Variants in SPECC1 observed in about 807,000 individuals in gnomAD.
SPECC1 encodes cytospin-B.
Under a neutral mutation model 104.1 loss-of-function variants are expected in SPECC1, and 62 were observed. The observed-to-expected ratio is 0.60, with a 90% confidence interval of 0.49 to 0.74. The LOEUF is 0.74. Ranked by LOEUF, SPECC1 falls within the 30% of genes least tolerant of loss-of-function variation. The probability of loss-of-function intolerance (pLI) is 0.00; values close to 1 mark genes in which losing one functional copy is unlikely to be tolerated. For synonymous variants in SPECC1, 513 were observed against 501.6 expected (o/e 1.02, Z -0.30); for missense variants, 1,306 against 1,310.5 (o/e 1.00, Z 0.05).
intron 3 of SPECC1, among the ~76,000 whole-genome samples, chr17:20,114,559 CAGT>C (rs914027054): frequency 6.7e-6 from 1 of 150,322 alleles, no homozygotes; most frequent in Non-Finnish European, 1.5e-5. Context: ...CTCTCTGCAA[CAGT>C]AGAGGAAGGG....
chr17:20,287,356 G>T (rs1036239378), intron 12 of SPECC1, among the ~76,000 whole-genome samples: 1 of 145,834 alleles, frequency 6.9e-6, no homozygotes, highest in Non-Finnish European at 1.5e-5. Context: ...AGCGGAGCTT[G>T]CAGTGAGCCG....
intron 3 of SPECC1, among the ~76,000 whole-genome samples, chr17:20,116,381 A>C (rs7222984): frequency 0.6 from 90,680 of 152,032 alleles, 27,975 homozygotes; most frequent in African/African-American, 0.71. Flanking sequence ...AGCCACCATG[A>C]CCGGCCATCA....
chr17:20,228,139 A>G (rs1462948048), intron 5 of SPECC1, among the ~76,000 whole-genome samples: 1 of 152,230 alleles, frequency 6.6e-6, no homozygotes, highest in Non-Finnish European at 1.5e-5. Flanking sequence ...TGACAGAAGA[A>G]CAGGCTGTTG....
intron 3 of SPECC1, among the ~76,000 whole-genome samples, chr17:20,116,142 C>T (rs573101849): frequency 1.3e-4 from 20 of 151,824 alleles, no homozygotes; most frequent in Non-Finnish European, 1.5e-5. Flanking sequence ...GGCTGGAGTG[C>T]AGTGGCGCGA....
chr17:20,213,098 T>C (rs1011196405), intron 4 of SPECC1, among the ~76,000 whole-genome samples: 7 of 151,960 alleles, frequency 4.6e-5, no homozygotes, highest in African/African-American at 1.7e-4. Flanking sequence ...TATTCTTTTT[T>C]TTCTTTTCTT....
chr17:20,147,531 A>G (rs997867278), intron 3 of SPECC1, among the ~76,000 whole-genome samples: 1 of 152,176 alleles, frequency 6.6e-6, no homozygotes, highest in Non-Finnish European at 1.5e-5. Flanking sequence ...ATATTTACCA[A>G]TGAAATAGGA....
chr17:20,058,530 G>A (rs541107283), intron 1 of SPECC1, among the ~76,000 whole-genome samples: 9 of 152,168 alleles, frequency 5.9e-5, no homozygotes, highest in African/African-American at 1.2e-4. Flanking sequence ...ATGGTGGTGC[G>A]TGCCTGTAGT....
At chr17:20,306,921 A>G (rs1370919439) in intron 14 of SPECC1, among the ~76,000 whole-genome samples, 1 of 142,974 alleles carries the variant, frequency 7.0e-6, no homozygotes, top group Non-Finnish European at 1.5e-5. Flanking sequence ...GAGATGATAA[A>G]TAAGAGACTA....
intron 3 of SPECC1, among the ~76,000 whole-genome samples, chr17:20,115,445 C>T (rs1334673840): frequency 2.0e-5 from 3 of 151,798 alleles, no homozygotes; most frequent in Non-Finnish European, 4.4e-5. Context: ...TACACTCCAG[C>T]CTGAGTGACA....
intron 3 of SPECC1, among the ~76,000 whole-genome samples, chr17:20,190,271 C>G (rs1220573612): frequency 6.6e-6 from 1 of 152,178 alleles, no homozygotes; most frequent in Non-Finnish European, 1.5e-5. Flanking sequence ...TGCTAATTGC[C>G]TGTTTCCACA....
At chr17:20,140,391 CAT>C (rs1415578194) in intron 3 of SPECC1, among the ~76,000 whole-genome samples, 2 of 152,146 alleles carry the variant, frequency 1.3e-5, no homozygotes, top group African/African-American at 2.4e-5. Flanking sequence ...AATCCTTTCA[CAT>C]GTTTGCAAAT....
rs755530968 is a variant in SPECC1 at position 20,110,612 on chromosome 17, A to G, written c.283+50A>G. 13 of 1,551,186 alleles carry G rather than the reference A, an allele frequency of 8.4e-6. No individual in the cohort carries two copies. The East Asian group carries it at 2.3e-4, about 28-fold the overall frequency. On this transcript the variant is annotated intron_variant, in intron 3 of 14. Coordinates refer to ENST00000395527, the MANE Select transcript of SPECC1 (RefSeq NM_001243439.2). ...TCGGCAGGCCATCAGTCCTGGCCGC[A>G]TGGAAGCACTTCAGTGACCCATGAC...
At chr17:20,200,333 A>G (rs1487538151) in intron 3 of SPECC1, among the ~76,000 whole-genome samples, 1 of 152,234 alleles carries the variant, frequency 6.6e-6, no homozygotes, top group African/African-American at 2.4e-5. Context: ...TGACCACAGT[A>G]TAATTTTTCA....
At chr17:20,288,365 G>A (rs1464318063) in intron 12 of SPECC1, among the ~76,000 whole-genome samples, 1 of 151,532 alleles carries the variant, frequency 6.6e-6, no homozygotes, top group African/African-American at 2.4e-5. Context: ...GGACTACAAG[G>A]AACTTAAACA....
chr17:20,091,696 C>T (rs974138338), intron 1 of SPECC1, among the ~76,000 whole-genome samples: 2 of 152,164 alleles, frequency 1.3e-5, no homozygotes, highest in Non-Finnish European at 2.9e-5. Flanking sequence ...TGCTGAGTCC[C>T]CTGGCAATTG....
At chr17:20,141,130 C>T (rs948463672) in intron 3 of SPECC1, among the ~76,000 whole-genome samples, 8 of 152,184 alleles carry the variant, frequency 5.3e-5, no homozygotes, top group Non-Finnish European at 7.3e-5. Context: ...GGAAAGGACC[C>T]GCTCATAGTA....
intron 3 of SPECC1, among the ~76,000 whole-genome samples, chr17:20,129,453 G>T (rs1325571142): frequency 2.0e-5 from 3 of 151,810 alleles, no homozygotes; most frequent in African/African-American, 7.3e-5. Flanking sequence ...CTCCCAAAGT[G>T]CTGGGATTAC....
chr17:20,235,951 G>A (rs1428535799), intron 7 of SPECC1, among the ~76,000 whole-genome samples: 12 of 152,218 alleles, frequency 7.9e-5, no homozygotes, highest in African/African-American at 2.2e-4. Context: ...GTGCACATCC[G>A]TGTCAGCCTG....
At chr17:20,300,056 T>C (rs2041516534) in intron 13 of SPECC1, among the ~76,000 whole-genome samples, 1 of 152,208 alleles carries the variant, frequency 6.6e-6, no homozygotes, top group African/African-American at 2.4e-5. Flanking sequence ...TCAATTTTCA[T>C]GTTAAATAAC....
Sources: allele counts gnomAD v4.1 joint callset (sites outside exome capture counted in the v4.1 genomes callset), GRCh38; gene constraint gnomAD v4.1.1; transcripts MANE v1.5; gene names NCBI Gene and HGNC (gene_info 2026-07-23, HGNC 2026-07-21).